The following RPE variants were observed in gnomAD, a reference collection of about 807,000 sequenced individuals.
RPE encodes the protein ribulose-5-phosphate-3-epimerase.
In RPE, 16 loss-of-function variants were observed where a neutral mutation model predicts 24.6. The observed-to-expected ratio is 0.65, with a 90% confidence interval of 0.44 to 0.99. The LOEUF is 0.99. Ranked by LOEUF, RPE falls within the 50% of genes least tolerant of loss-of-function variation. RPE has a pLI of 0.00. For missense variants in RPE, 240 were observed against 294.5 expected (o/e 0.81, Z 1.35); for synonymous variants, 93 against 98.4 (o/e 0.94, Z 0.33).
intron 5 of RPE, chr2:210,018,418 C>G (rs1403219669): frequency 4.0e-5 from 39 of 981,192 alleles, no homozygotes; most frequent in Non-Finnish European, 4.7e-5. Flanking sequence ...TTTCAGATAG[C>G]TAGTCTAGCA....
At chr2:210,009,854 G>T (rs976298199) in intron 2 of RPE, 118 bp downstream of exon 2, 1 of 1,359,090 alleles carries the variant, frequency 7.4e-7, no homozygotes, top group Non-Finnish European at 1.0e-6. Flanking sequence ...CCTATCCTGG[G>T]TCTTCATTGG....
rs545585332 is a variant in RPE, at chr2:210,010,938, A to T, written c.202+1202A>T. Among the ~76,000 whole-genome samples the T allele has an allele frequency of 4.4e-3, 666 of 152,198 alleles. 7 individuals are homozygous for T. The highest frequency in any genetic ancestry group is 0.015 in the African/African-American group (630 of 41,532). The stretch of plus-strand genomic sequence containing the variant: ...ATGTCAAAAAAAAAAAATTTTTTTT[A>T]AATTAAATAACATAAACTTAAAAAT... On this transcript the variant is annotated intron_variant, in intron 2 of 5. Coordinates refer to ENST00000359429, the MANE Select transcript of RPE (RefSeq NM_199229.3).
At chr2:210,007,516 A>G (rs1481862439) in intron 1 of RPE, among the ~76,000 whole-genome samples, 1 of 152,188 alleles carries the variant, frequency 6.6e-6, no homozygotes, top group Non-Finnish European at 1.5e-5. Flanking sequence ...TTGGCATTTG[A>G]CACCTTTAAT....
rs2093574848 is a variant in RPE, at chr2:210,002,644, C to CTT, written c.-15_-14dup. On this transcript the variant is annotated 5_prime_UTR_variant, in exon 1 of 6. Coordinates refer to ENST00000359429, the MANE Select transcript of RPE (RefSeq NM_199229.3). ...TTGCCGGGGACTCGTGGGTAACTTGCTTTTGGGAGCCAGCGGTATGGCGTC... is the reference window on the plus strand; with the variant it reads ...TTGCCGGGGACTCGTGGGTAACTTGCTTTTTTGGGAGCCAGCGGTATGGCGTC... 1.9e-6 allele frequency: 3 copies of CTT among 1,610,506 alleles called. No homozygotes were observed. Among genetic ancestry groups the CTT allele is most frequent in the Non-Finnish European group, 2.5e-6 (3 of 1,177,308 alleles).
chr2:210,014,740 A>G (rs2093747469), intron 2 of RPE, among the ~76,000 whole-genome samples: 1 of 150,738 alleles, frequency 6.6e-6, no homozygotes, highest in African/African-American at 2.4e-5. Flanking sequence ...TTTTTTTTCA[A>G]GGCTTTATTG....
chr2:210,015,878 C>T, intron 2 of RPE, 95 bp from the exon 3 acceptor site: 1 of 1,300,294 alleles, frequency 7.7e-7, no homozygotes, highest in Non-Finnish European at 1.1e-6. Flanking sequence ...CCAAAGAGTT[C>T]TTATCAGAAG....
intron 5 of RPE, chr2:210,018,103 A>G: frequency 6.8e-7 from 1 of 1,477,316 alleles, no homozygotes; most frequent in Non-Finnish European, 9.0e-7. Flanking sequence ...TGGTTTTCTC[A>G]GGAAGGCTGA....
At chr2:210,018,262 A>G (rs1209794333) in intron 5 of RPE, 16 of 1,508,078 alleles carry the variant, frequency 1.1e-5, no homozygotes, top group Non-Finnish European at 1.4e-5. Context: ...TAATTGACCT[A>G]ATTATTACAT....
chr2:210,002,756 A>T lies in RPE; in HGVS notation c.95A>T (p.Asp32Val). Reference sequence around the variant, plus strand: ...CTCCGGATGCTAGACTCTGGGGCCGATTATCTGCACCTGGACGTAATGGAC... The same window carrying T: ...CTCCGGATGCTAGACTCTGGGGCCGTTTATCTGCACCTGGACGTAATGGAC... The part of the protein sequence containing the change: ...ECLRMLDSGA[D>V]YLHLDVMDGH... The change falls in exon 1 of 6, where the codon GAT becomes GTT. Residue 32 changes from aspartate to valine, a missense_variant. Asp to Val is a radical substitution (Grantham distance 152, BLOSUM62 -3). Transcript: ENST00000359429. The T allele has an allele frequency of 6.2e-7, 1 of 1,614,030 alleles. No homozygotes were observed. The highest frequency in any genetic ancestry group is 8.5e-7 in the Non-Finnish European group (1 of 1,179,984).
rs1211352563 is a variant in RPE at position 210,021,996 on chromosome 2, CA to C, written c.*2207del. The C allele has an allele frequency of 6.7e-6, 1 of 148,152 alleles. No individual in the cohort carries two copies. The highest frequency in any genetic ancestry group is 2.5e-5 in the African/African-American group (1 of 39,366). 9.2% of individuals were successfully genotyped at this position (148,152 alleles called of 1,614,324 possible). On this transcript the variant is annotated 3_prime_UTR_variant, in exon 6 of 6. Coordinates refer to ENST00000359429, the MANE Select transcript of RPE (RefSeq NM_199229.3). ...CTAATTTCTTGCTAATCTAGAAATA[CA>C]ATCATCTTTTTTTTTTTTTTCAAAT...
At chr2:210,016,423 T>C (rs1482126176) in intron 3 of RPE, 84 bp from the exon 4 acceptor site, 4 of 1,591,592 alleles carry the variant, frequency 2.5e-6, no homozygotes, top group Non-Finnish European at 3.4e-6. Context: ...TAAGAACAGA[T>C]ATTTCTACTG....
At chr2:210,005,171 A>G (rs2093613411) in intron 1 of RPE, among the ~76,000 whole-genome samples, 1 of 151,980 alleles carries the variant, frequency 6.6e-6, no homozygotes, top group Non-Finnish European at 1.5e-5. Context: ...GGCTAGGGCT[A>G]TGAAAGTGGG....
chr2:210,012,155 C>T (rs982994932), intron 2 of RPE, among the ~76,000 whole-genome samples: 2 of 152,124 alleles, frequency 1.3e-5, no homozygotes, highest in African/African-American at 4.8e-5. Flanking sequence ...CTAAGAAATA[C>T]AGTGATGGGA....
intron 2 of RPE, among the ~76,000 whole-genome samples, chr2:210,012,374 G>T (rs990344771): frequency 3.9e-5 from 6 of 152,154 alleles, no homozygotes; most frequent in Non-Finnish European, 8.8e-5. Flanking sequence ...CTCAAGGCAG[G>T]GACTGTATCA....
At chr2:210,017,733 C>CTTTTTTGTTTTTTTTT in intron 5 of RPE, 174 bp downstream of exon 5, 1 of 296,438 alleles carries the variant, frequency 3.4e-6, no homozygotes, top group Non-Finnish European at 6.0e-6. Context: ...AGTGGATATG[C>CTTTTTTGTTTTTTTTT]TTTTTTTTTT....
In RPE at chr2:210,021,480, C is replaced by T. The variant is rs182639970; in HGVS notation, c.*1689C>T. The T allele has an allele frequency of 6.6e-6, 1 of 152,486 alleles. No individual in the cohort carries two copies. Among genetic ancestry groups the T allele is most frequent in the African/African-American group, 2.4e-5 (1 of 41,424 alleles). The allele number at this position is 152,486 out of a possible 1,614,324, so 9.4% of individuals were successfully genotyped here. A position where few individuals can be genotyped will look rare whatever the true frequency, so the allele number is the denominator to read the frequency against. On this transcript the variant is annotated 3_prime_UTR_variant, in exon 6 of 6. Transcript: ENST00000359429. ...TAGAAGATTATAATATCAGACGTGACAAAGATTTGAGTTTATTTGCCTGGA... is the reference window on the plus strand; with the variant it reads ...TAGAAGATTATAATATCAGACGTGATAAAGATTTGAGTTTATTTGCCTGGA...
intron 2 of RPE, among the ~76,000 whole-genome samples, chr2:210,010,785 G>A (rs2093689288): frequency 6.6e-6 from 1 of 152,084 alleles, no homozygotes; most frequent in African/African-American, 2.4e-5. Context: ...AGGCGTGGTG[G>A]CAAACACCTA....
rs2093845344 is a variant in RPE, at chr2:210,020,807, G to A, written c.*1016G>A. On this transcript the variant is annotated 3_prime_UTR_variant, in exon 6 of 6. Coordinates refer to ENST00000359429, the MANE Select transcript of RPE (RefSeq NM_199229.3). Reference sequence around the variant, plus strand: ...TGGTAATAATAAAGCAGATATTTTTGTCCCCATTTAAAAAATGAAGAAATT... The same window carrying A: ...TGGTAATAATAAAGCAGATATTTTTATCCCCATTTAAAAAATGAAGAAATT... 1 of 155,744 alleles carries A rather than the reference G, an allele frequency of 6.4e-6. No individual in the cohort carries two copies. Among genetic ancestry groups the A allele is most frequent in the Non-Finnish European group, 1.5e-5 (1 of 67,966 alleles). 9.6% of individuals were successfully genotyped at this position (155,744 alleles called of 1,614,324 possible). A position where few individuals can be genotyped will look rare whatever the true frequency, so the allele number is the denominator to read the frequency against.
chr2:210,007,921 T>G (rs2093651354), intron 1 of RPE, among the ~76,000 whole-genome samples: 1 of 152,212 alleles, frequency 6.6e-6, no homozygotes, highest in African/African-American at 2.4e-5. Context: ...AGGGCTTTGT[T>G]GGCAGAAGGG....
Sources: gnomAD v4.1 joint callset for allele counts (sites outside exome capture counted in the v4.1 genomes callset) on GRCh38, gnomAD v4.1.1 for gene constraint, MANE v1.5 for transcripts, NCBI Gene and HGNC (gene_info 2026-07-23, HGNC 2026-07-21) for gene names.